Variants in ARHGAP6 observed in about 807,000 individuals in gnomAD.
ARHGAP6 encodes rho GTPase-activating protein 6.
In ARHGAP6, 16 loss-of-function variants were observed where a neutral mutation model predicts 55.7. That is an observed-to-expected ratio of 0.29 (90% CI 0.19 to 0.44). The LOEUF is 0.44. Ranked by LOEUF, ARHGAP6 falls within the 20% of genes least tolerant of loss-of-function variation. ARHGAP6 has a pLI of 1.00. For missense variants in ARHGAP6, 698 were observed against 808.9 expected, an observed-to-expected ratio of 0.86 and a Z score of 1.66; for synonymous variants, 382 against 360.9, an observed-to-expected ratio of 1.06 and a Z score of -0.66.
chrX:11,578,687 C>G (rs2051630382), intron 1 of ARHGAP6, among the ~76,000 whole-genome samples: 1 of 111,605 alleles, frequency 9.0e-6, no homozygotes, highest in Non-Finnish European at 1.9e-5. Context: ...TGGGTATATA[C>G]CCAAAGGATT....
intron 8 of ARHGAP6, among the ~76,000 whole-genome samples, chrX:11,176,818 A>G (rs1379651420): frequency 8.9e-6 from 1 of 112,103 alleles, no homozygotes; most frequent in Non-Finnish European, 1.9e-5. Context: ...TCAGTGCCAC[A>G]TTATGAAACC....
chrX:11,576,582 G>T (rs1187880105), intron 1 of ARHGAP6, among the ~76,000 whole-genome samples: 1 of 111,949 alleles, frequency 8.9e-6, no homozygotes, highest in Non-Finnish European at 1.9e-5. Context: ...ACTGAAAAAT[G>T]TTGATATTTT....
chrX:11,521,432 T>G (rs1305307845), intron 1 of ARHGAP6, among the ~76,000 whole-genome samples: 3 of 112,311 alleles, frequency 2.7e-5, no homozygotes, highest in African/African-American at 3.2e-5. Context: ...CCCCATTTCC[T>G]GTTTTTGTCA....
At chrX:11,485,456 T>C (rs1378448732) in intron 1 of ARHGAP6, among the ~76,000 whole-genome samples, 1 of 112,388 alleles carries the variant, frequency 8.9e-6, no homozygotes, top group Non-Finnish European at 1.9e-5. Flanking sequence ...AAAAATATTC[T>C]GAGCTTACAT....
intron 10 of ARHGAP6, among the ~76,000 whole-genome samples, chrX:11,146,826 A>G (rs1244322536): frequency 8.9e-6 from 1 of 112,073 alleles, no homozygotes; most frequent in African/African-American, 3.2e-5. Context: ...CAGTAGTAAA[A>G]TGCTCTTTCT....
At chrX:11,410,068 C>G (rs1426202525) in intron 1 of ARHGAP6, among the ~76,000 whole-genome samples, 1 of 112,212 alleles carries the variant, frequency 8.9e-6, no homozygotes, top group Non-Finnish European at 1.9e-5. Flanking sequence ...TCTGGCGGCT[C>G]CTCAAATAGT....
Position 11,342,976 on chromosome X carries a change from T to C in ARHGAP6, c.589-88269A>G, listed in dbSNP as rs1239181754. Among the ~76,000 whole-genome samples, 22 of 112,388 alleles carry C rather than the reference T, an allele frequency of 2.0e-4. No homozygotes were observed. The Admixed American group carries it at 2.1e-3, about 11-fold the overall frequency. ...CTGAAATGGGCTTCAGATTCCATAC[T>C]TGAATCTAACATTATTTAGCCACTT... On this transcript the variant is annotated intron_variant, in intron 1 of 12. Transcript: ENST00000337414.
At chrX:11,354,982 GGAT>G (rs2048914879) in intron 1 of ARHGAP6, among the ~76,000 whole-genome samples, 1 of 111,599 alleles carries the variant, frequency 9.0e-6, no homozygotes, top group Non-Finnish European at 1.9e-5. Context: ...TAAAAGGTTA[GGAT>G]GATACTTTAA....
At chrX:11,246,204 CAATGAT>C (rs1174386546) in intron 2 of ARHGAP6, among the ~76,000 whole-genome samples, 17 of 110,676 alleles carry the variant, frequency 1.5e-4, no homozygotes, top group Non-Finnish European at 3.8e-5. Flanking sequence ...GCAAAAATGA[CAATGAT>C]GATGATGATG....
intron 6 of ARHGAP6, 97 bp downstream of exon 6, chrX:11,181,966 G>T: frequency 1.5e-4 from 81 of 545,507 alleles, no homozygotes; most frequent in Middle Eastern, 6.3e-4. Context: ...AAAAAAAAAA[G>T]ATAATCAAAA....
At chrX:11,256,500 G>A (rs767350129) in intron 1 of ARHGAP6, among the ~76,000 whole-genome samples, 2 of 112,189 alleles carry the variant, frequency 1.8e-5, no homozygotes, top group Non-Finnish European at 3.8e-5. Flanking sequence ...TTCCTGTCTA[G>A]TGTATTCATT....
At chrX:11,430,168 T>A (rs896441383) in intron 1 of ARHGAP6, among the ~76,000 whole-genome samples, 1 of 112,413 alleles carries the variant, frequency 8.9e-6, no homozygotes, top group African/African-American at 3.2e-5. Context: ...GTAAGTCACC[T>A]CTTAAAACTG....
chrX:11,232,470 C>A lies in ARHGAP6; in HGVS notation c.748+22078G>T, dbSNP rs111259440. Among the ~76,000 whole-genome samples the A allele has an allele frequency of 3.8e-3, 388 of 102,264 alleles. 1 individual carries two copies. Among genetic ancestry groups the A allele is most frequent in the African/African-American group, 0.013 (375 of 28,235 alleles). 88.8% of individuals were successfully genotyped at this position (102,264 alleles called of 115,157 possible). On this transcript the variant is annotated intron_variant, in intron 2 of 12. Transcript: ENST00000337414. ...ACCTCATCTCTACTAAAAATACACA[C>A]AAAAAAAAAAAATTAGCTGGGCTTG...
intron 1 of ARHGAP6, among the ~76,000 whole-genome samples, chrX:11,416,750 G>T: frequency 9.1e-6 from 1 of 110,183 alleles, no homozygotes; most frequent in Non-Finnish European, 1.9e-5. Context: ...ATCCATGCAG[G>T]ACTCGTGTTT....
At chrX:11,644,790 C>T (rs1039417880) in intron 1 of ARHGAP6, among the ~76,000 whole-genome samples, 4 of 111,624 alleles carry the variant, frequency 3.6e-5, no homozygotes, top group Non-Finnish European at 7.5e-5. Context: ...GATAGTTTCT[C>T]ATAAAGTTAA....
At chrX:11,196,466 A>G (rs1275147356) in intron 3 of ARHGAP6, among the ~76,000 whole-genome samples, 1 of 110,815 alleles carries the variant, frequency 9.0e-6, no homozygotes, top group African/African-American at 3.3e-5. Flanking sequence ...ATATTTTTCA[A>G]CTGGGTGAAA....
chrX:11,340,046 A>G (rs982090207), intron 1 of ARHGAP6, among the ~76,000 whole-genome samples: 2 of 111,887 alleles, frequency 1.8e-5, no homozygotes, highest in Non-Finnish European at 3.8e-5. Flanking sequence ...GCCAAGCCCA[A>G]TCTTCCATTA....
chrX:11,388,687 G>C (rs1236217315), intron 1 of ARHGAP6, among the ~76,000 whole-genome samples: 1 of 111,338 alleles, frequency 9.0e-6, no homozygotes, highest in Non-Finnish European at 1.9e-5. Context: ...TATGGTTTTA[G>C]GTCTAACGTT....
At chrX:11,380,726 G>C (rs887551950) in intron 1 of ARHGAP6, among the ~76,000 whole-genome samples, 13 of 111,917 alleles carry the variant, frequency 1.2e-4, no homozygotes, top group African/African-American at 4.2e-4. Context: ...CAGTTTCTCA[G>C]CTTTGGCACT....
Sources: gnomAD v4.1 joint callset for allele counts (sites outside exome capture counted in the v4.1 genomes callset) on GRCh38, gnomAD v4.1.1 for gene constraint, MANE v1.5 for transcripts, NCBI Gene and HGNC (gene_info 2026-07-23, HGNC 2026-07-21) for gene names.